Variants in PARD3 observed in about 807,000 individuals in gnomAD.
PARD3 encodes the protein par-3 family cell polarity regulator, also known as partitioning defective 3 homolog.
A neutral mutation model predicts 155.4 loss-of-function variants in PARD3; 75 were observed. The ratio of observed to expected loss-of-function variants is 0.48; its 90% confidence interval spans 0.40 to 0.58. The LOEUF (loss-of-function observed/expected upper bound fraction) is 0.58, where lower values mean the gene tolerates loss of function less well. Among genes scored for constraint, PARD3 ranks in the 20% least tolerant of loss-of-function variants. The pLI is 0.00. For synonymous variants in PARD3, 576 were observed against 610.5 expected, an observed-to-expected ratio of 0.94 and a Z score of 0.83; for missense variants, 1,642 against 1,721.7, an observed-to-expected ratio of 0.95 and a Z score of 0.82.
At chr10:34,568,374 A>C (rs1778659325) in intron 2 of PARD3, among the ~76,000 whole-genome samples, 1 of 152,178 alleles carries the variant, frequency 6.6e-6, no homozygotes, top group South Asian at 2.1e-4. Context: ...TTAATTCATT[A>C]GGATTTTAAA....
chr10:34,194,403 G>A (rs190169980), intron 22 of PARD3, among the ~76,000 whole-genome samples: 4 of 152,124 alleles, frequency 2.6e-5, no homozygotes, highest in African/African-American at 7.2e-5. Context: ...GGCCCGAGCC[G>A]CTCTTGTACG....
At chr10:34,311,348 G>A (rs1046020391) in intron 20 of PARD3, among the ~76,000 whole-genome samples, 1 of 152,270 alleles carries the variant, frequency 6.6e-6, no homozygotes. Flanking sequence ...AATTACAGGT[G>A]TGAGCCAATG....
chr10:34,129,621 T>TCAACATAA (rs1947481316), intron 23 of PARD3, among the ~76,000 whole-genome samples: 1 of 151,120 alleles, frequency 6.6e-6, no homozygotes, highest in Non-Finnish European at 1.5e-5. Flanking sequence ...CCCCTTCCCT[T>TCAACATAA]CAACATAACC....
At chr10:34,401,781 G>A (rs1404677918) in intron 6 of PARD3, 45 bp downstream of exon 6, 10 of 1,167,168 alleles carry the variant, frequency 8.6e-6, no homozygotes, top group African/African-American at 1.5e-5. Context: ...AATTAATGAT[G>A]CTACATGTAT....
intron 20 of PARD3, among the ~76,000 whole-genome samples, chr10:34,308,583 C>A (rs1010009220): frequency 6.6e-6 from 1 of 152,092 alleles, no homozygotes; most frequent in Non-Finnish European, 1.5e-5. Flanking sequence ...GGAAGGCTCG[C>A]GGGAGCAGTT....
chr10:34,660,689 T>C (rs2093302091), intron 2 of PARD3, among the ~76,000 whole-genome samples: 1 of 152,042 alleles, frequency 6.6e-6, no homozygotes, highest in South Asian at 2.1e-4. Context: ...TTCTCAGGGT[T>C]AGAAAGTGTA....
At chr10:34,728,709 T>G (rs147621057) in intron 1 of PARD3, among the ~76,000 whole-genome samples, 55 of 152,358 alleles carry the variant, frequency 3.6e-4, no homozygotes, top group Admixed American at 1.3e-3. Flanking sequence ...ATTTCTGTAC[T>G]TGCCTTTTGT....
chr10:34,402,473 C>T (rs1194047098), intron 5 of PARD3, among the ~76,000 whole-genome samples: 1 of 152,122 alleles, frequency 6.6e-6, no homozygotes, highest in Non-Finnish European at 1.5e-5. Flanking sequence ...CAGGCTTCAT[C>T]CCGTAAAATT....
At chr10:34,706,341 CA>C (rs1295783029) in intron 1 of PARD3, among the ~76,000 whole-genome samples, 1 of 152,216 alleles carries the variant, frequency 6.6e-6, no homozygotes, top group African/African-American at 2.4e-5. Flanking sequence ...AGTCCTTTCT[CA>C]GACTAACACT....
intron 2 of PARD3, among the ~76,000 whole-genome samples, chr10:34,605,284 CG>C: frequency 7.3e-6 from 1 of 136,814 alleles, no homozygotes; most frequent in Non-Finnish European, 1.5e-5. Context: ...GCTCCACCTC[CG>C]GGGTTCACGC....
intron 1 of PARD3, among the ~76,000 whole-genome samples, chr10:34,785,766 G>A (rs374848155): frequency 2.0e-5 from 3 of 152,078 alleles, no homozygotes; most frequent in East Asian, 1.9e-4. Flanking sequence ...TGGGCGGACC[G>A]TGTGGACAGA....
intron 2 of PARD3, among the ~76,000 whole-genome samples, chr10:34,618,326 G>C (rs181676306): frequency 6.6e-6 from 1 of 152,118 alleles, no homozygotes; most frequent in African/African-American, 2.4e-5. Flanking sequence ...GAAATTCTTA[G>C]TTTGCTTCAA....
At chr10:34,505,556 C>A (rs1430090744) in intron 3 of PARD3, among the ~76,000 whole-genome samples, 2 of 152,122 alleles carry the variant, frequency 1.3e-5, no homozygotes, top group African/African-American at 2.4e-5. Flanking sequence ...GCCATCCTAA[C>A]GGGCCACATG....
At chr10:34,600,258 T>A (rs571339209) in intron 2 of PARD3, among the ~76,000 whole-genome samples, 203 of 151,446 alleles carry the variant, frequency 1.3e-3, no homozygotes, top group Middle Eastern at 3.4e-3. Context: ...AGGTGAAGGA[T>A]CGCCTGAGTC....
intron 12 of PARD3, among the ~76,000 whole-genome samples, chr10:34,362,506 T>G (rs1164152787): frequency 6.6e-6 from 1 of 152,200 alleles, no homozygotes; most frequent in Admixed American, 6.5e-5. Context: ...TTTTGTTGTT[T>G]GTTTTTTTGA....
intron 1 of PARD3, among the ~76,000 whole-genome samples, chr10:34,805,940 G>A (rs1471882127): frequency 6.6e-6 from 1 of 151,830 alleles, no homozygotes; most frequent in Non-Finnish European, 1.5e-5. Context: ...TCACGTCACT[G>A]CACTCCAGCC....
chr10:34,379,600 A>G (rs1841619705), intron 9 of PARD3, among the ~76,000 whole-genome samples: 1 of 152,118 alleles, frequency 6.6e-6, no homozygotes, highest in African/African-American at 2.4e-5. Flanking sequence ...TGACTGTTGT[A>G]GGAACCTCAA....
chr10:34,253,948 GC>G (rs1375000095), intron 22 of PARD3, among the ~76,000 whole-genome samples: 2 of 152,142 alleles, frequency 1.3e-5, no homozygotes, highest in Non-Finnish European at 2.9e-5. Context: ...GTGGGAGGGG[GC>G]TGGATGATGA....
intron 5 of PARD3, among the ~76,000 whole-genome samples, chr10:34,429,490 G>A (rs1740191605): frequency 6.6e-6 from 1 of 151,816 alleles, no homozygotes; most frequent in Admixed American, 6.6e-5. Flanking sequence ...CCACTTCCTG[G>A]GCTCAAGGGA....
Sources: gnomAD v4.1 joint callset for allele counts (sites outside exome capture counted in the v4.1 genomes callset) on GRCh38, gnomAD v4.1.1 for gene constraint, MANE v1.5 for transcripts, NCBI Gene and HGNC (gene_info 2026-07-23, HGNC 2026-07-21) for gene names.